Variants in NEMF observed in about 807,000 individuals in gnomAD.
NEMF encodes nuclear export mediator factor.
In NEMF, 89 loss-of-function variants were observed where a neutral mutation model predicts 162.2. The observed-to-expected ratio is 0.55, with a 90% confidence interval of 0.46 to 0.65. NEMF has a LOEUF of 0.65. Among genes scored for constraint, NEMF ranks in the 30% least tolerant of loss-of-function variants. The pLI is 0.00. For missense variants in NEMF, 1,133 were observed against 1,261.9 expected (o/e 0.90, Z 1.55); for synonymous variants, 421 against 404.5 (o/e 1.04, Z -0.49).
intron 6 of NEMF, among the ~76,000 whole-genome samples, 190 bp from the exon 7 acceptor site, chr14:49,834,639 T>C (rs1182406600): frequency 1.3e-5 from 2 of 152,030 alleles, no homozygotes; most frequent in East Asian, 1.9e-4. Context: ...CCCACCACCA[T>C]GCCCAGCTAA....
chr14:49,840,636 TTTTTTA>T, intron 5 of NEMF, 76 bp downstream of exon 5: 2 of 1,283,154 alleles, frequency 1.6e-6, no homozygotes, highest in Non-Finnish European at 2.1e-6. Context: ...ATTTTACCTT[TTTTTTA>T]AGAGACAGGG....
chr14:49,785,171 G>A (rs750572586), intron 30 of NEMF, 36 bp from the exon 31 acceptor site: 1 of 1,600,704 alleles, frequency 6.2e-7, no homozygotes, highest in Admixed American at 1.7e-5. Flanking sequence ...CTAAATAGAC[G>A]TTACAAAACA....
At chr14:49,810,094 T>A (rs985259286) in intron 18 of NEMF, among the ~76,000 whole-genome samples, 1 of 151,162 alleles carries the variant, frequency 6.6e-6, no homozygotes, top group African/African-American at 2.4e-5. Flanking sequence ...AGAGGCCGGG[T>A]GCGGTGGCTC....
intron 32 of NEMF, 55 bp from the exon 33 acceptor site, chr14:49,784,768 C>T: frequency 6.6e-7 from 1 of 1,516,490 alleles, no homozygotes; most frequent in Non-Finnish European, 9.1e-7. Context: ...AATCATGTTT[C>T]TTTTATGACA....
intron 10 of NEMF, 126 bp downstream of exon 10, chr14:49,831,925 C>A (rs1254998359): frequency 1.4e-5 from 9 of 632,028 alleles, no homozygotes; most frequent in African/African-American, 3.8e-5. Flanking sequence ...CGACACTGAT[C>A]TTTAATGCCC....
rs1219537926 is a variant in NEMF, at chr14:49,783,865, A to C, written c.*771T>G. On this transcript the variant is annotated 3_prime_UTR_variant, in exon 33 of 33. Coordinates refer to ENST00000298310, the MANE Select transcript of NEMF (RefSeq NM_004713.6). ...CATTTTGGTCTAATATTTTTTTCTG[A>C]CAAGTATCAATGAAAGCAGAAGAAA... is the stretch of plus-strand genomic sequence containing the variant. 6.6e-6 allele frequency: 1 copy of C among 152,138 alleles called. No homozygotes were observed. Among genetic ancestry groups the C allele is most frequent in the East Asian group, 1.9e-4 (1 of 5,204 alleles). 9.4% of individuals were successfully genotyped at this position (152,138 alleles called of 1,614,324 possible).
rs369479514 is a variant in NEMF at position 49,828,333 on chromosome 14, A to G, written c.1446T>C (p.Tyr482=). ...CAGTCTTTTGTGTTTTCTTAGCAGCATATCTCTTGTGATCATAATACCTAG... is the reference window on the plus strand; with the variant it reads ...CAGTCTTTTGTGTTTTCTTAGCAGCGTATCTCTTGTGATCATAATACCTAG... ...NAKKYYDHKR[Y]AAKKTQKTVE... Residue 482 remains tyrosine (Y), a synonymous_variant, in exon 15 of 33, where the codon TAT becomes TAC. Coordinates refer to ENST00000298310, the MANE Select transcript of NEMF (RefSeq NM_004713.6). 415 of 1,599,096 alleles carry G rather than the reference A, an allele frequency of 2.6e-4. 3 individuals carry two copies. The South Asian group carries it at 4.0e-3, about 15-fold the overall frequency.
At chr14:49,792,226 T>C (rs746038954) in intron 26 of NEMF, among the ~76,000 whole-genome samples, 2 of 151,964 alleles carry the variant, frequency 1.3e-5, no homozygotes, top group Non-Finnish European at 2.9e-5. Flanking sequence ...AGGAACAATC[T>C]CCGTTTTTTG....
chr14:49,829,901 G>A (rs1405538187), intron 11 of NEMF, among the ~76,000 whole-genome samples: 2 of 152,020 alleles, frequency 1.3e-5, no homozygotes, highest in African/African-American at 4.8e-5. Context: ...CACTGCACCT[G>A]GCAGGGAATG....
At chr14:49,833,617 T>C in intron 7 of NEMF, 121 bp from the exon 8 acceptor site, 3 of 547,750 alleles carry the variant, frequency 5.5e-6, no homozygotes, top group Non-Finnish European at 9.7e-6. Flanking sequence ...TCAAGAAAAT[T>C]AGAGATAGTG....
intron 25 of NEMF, among the ~76,000 whole-genome samples, chr14:49,798,906 C>CA (rs371095718): frequency 7.4e-5 from 11 of 148,818 alleles, no homozygotes; most frequent in East Asian, 2.0e-4. Context: ...GACTCCATCT[C>CA]AAAAAAAAAG....
chr14:49,795,451 C>T (rs887787613), intron 26 of NEMF, among the ~76,000 whole-genome samples: 2 of 152,192 alleles, frequency 1.3e-5, no homozygotes, highest in African/African-American at 4.8e-5. Context: ...AGCAAAATAT[C>T]TAAGAACTCT....
chr14:49,827,880 G>A (rs561092824), intron 15 of NEMF, among the ~76,000 whole-genome samples: 6 of 152,198 alleles, frequency 3.9e-5, no homozygotes, highest in Admixed American at 3.9e-4. Context: ...AGAGGAGGAG[G>A]AGAGAGATCC....
chr14:49,830,586 T>C (rs1267583118), intron 11 of NEMF, among the ~76,000 whole-genome samples: 2 of 152,228 alleles, frequency 1.3e-5, no homozygotes, highest in South Asian at 4.1e-4. Flanking sequence ...GTTTTCACCA[T>C]GCTGGCCAGG....
rs752947281 is a variant in NEMF, at chr14:49,800,578, T to G, written c.2214A>C (p.Leu738=). The G allele has an allele frequency of 6.2e-7, 1 of 1,614,032 alleles. No individual in the cohort carries two copies. Among genetic ancestry groups the G allele is most frequent in the Non-Finnish European group, 8.5e-7 (1 of 1,179,952 alleles). ...TTTCTTCCTGAATGAGCTCCTCATT[T>G]AGTTCATCTCTGCCACTCTGAAGAG... The part of the protein sequence containing the change: ...DITLQSGRDE[L]NEELIQEESS... Residue 738 remains leucine (L), a synonymous_variant, in exon 23 of 33, where the codon CTA becomes CTC. Coordinates refer to ENST00000298310, the MANE Select transcript of NEMF (RefSeq NM_004713.6).
At position 49,813,869 on chromosome 14, in the gene NEMF, G is replaced by C. The variant is rs925167652; in HGVS notation, c.1744+119C>G. 10 of 648,008 alleles carry C rather than the reference G, an allele frequency of 1.5e-5. No homozygotes were observed. The Admixed American group carries it at 2.1e-4, about 14-fold the overall frequency. The allele number at this position is 648,008 out of a possible 1,614,324, so 40.1% of individuals were successfully genotyped here. On this transcript the variant is annotated intron_variant, in intron 18 of 32. Coordinates refer to ENST00000298310, the MANE Select transcript of NEMF (RefSeq NM_004713.6). ...TCCTCACACTTCAGCTTCCCAAAGT[G>C]CTGGGATTACAGGCATGAGCCACCA...
In NEMF at chr14:49,788,053, C is replaced by T. The variant is rs921216758; in HGVS notation, c.2895+1093G>A. On this transcript the variant is annotated intron_variant, in intron 28 of 32. Transcript: ENST00000298310. ...CAACACTTTGGGAGGCCAAGGCAGG[C>T]GGATCACCTGAGATCAGGAGTTCAA... Among the ~76,000 whole-genome samples, 6 of 152,166 alleles carry T rather than the reference C, an allele frequency of 3.9e-5. No individual in the cohort carries two copies. The East Asian group carries it at 5.8e-4, about 15-fold the overall frequency.
chr14:49,782,747 G>A lies in NEMF; in HGVS notation c.*1889C>T, dbSNP rs1889966255. 6.7e-7 allele frequency: 1 copy of A among 1,483,890 alleles called. No individual in the cohort carries two copies. Among genetic ancestry groups the A allele is most frequent in the South Asian group, 1.3e-5 (1 of 78,854 alleles). The allele number at this position is 1,483,890 out of a possible 1,614,324, so 91.9% of individuals were successfully genotyped here. On this transcript the variant is annotated 3_prime_UTR_variant, in exon 33 of 33. Transcript: ENST00000298310. ...TGAAAATCTTTGAAGAAAGAAAGAG[G>A]GATGTTTTATGTAGTTTTTCAAGTG...
At chr14:49,827,248 A>G (rs1892400539) in intron 15 of NEMF, among the ~76,000 whole-genome samples, 1 of 152,130 alleles carries the variant, frequency 6.6e-6, no homozygotes. Flanking sequence ...GTGCAATGGC[A>G]TGATCTCAGC....
Sources: allele counts gnomAD v4.1 joint callset (sites outside exome capture counted in the v4.1 genomes callset), GRCh38; gene constraint gnomAD v4.1.1; transcripts MANE v1.5; gene names NCBI Gene and HGNC (gene_info 2026-07-23, HGNC 2026-07-21).